CAMSAP3: variants seen among roughly 807,000 people sequenced by gnomAD.
The protein encoded by CAMSAP3 is calmodulin-regulated spectrin-associated protein 3.
A neutral mutation model predicts 112.5 loss-of-function variants in CAMSAP3; 34 were observed. The ratio of observed to expected loss-of-function variants is 0.30; its 90% CI spans 0.23 to 0.40. The LOEUF is 0.40. Among genes scored for constraint, CAMSAP3 ranks in the 10% least tolerant of loss-of-function variants. CAMSAP3 has a pLI of 1.00. For synonymous variants in CAMSAP3, 868 were observed against 799.8 expected, an observed-to-expected ratio of 1.09 and a Z score of -1.44; for missense variants, 1,602 against 1,770.3, an observed-to-expected ratio of 0.90 and a Z score of 1.71.
intron 1 of CAMSAP3, among the ~76,000 whole-genome samples, chr19:7,599,392 C>T (rs796162008): frequency 0.058 from 2,319 of 39,836 alleles, 27 homozygotes; most frequent in Middle Eastern, 0.091. Flanking sequence ...ATCCACCCAT[C>T]CATCCACCCA....
At position 7,610,616 on chromosome 19, in the gene CAMSAP3, G is replaced by T; in HGVS notation, c.900+1G>T. 1 of 1,613,734 alleles carries T rather than the reference G, an allele frequency of 6.2e-7. No individual in the cohort carries two copies. The highest frequency in any genetic ancestry group is 8.5e-7 in the Non-Finnish European group (1 of 1,179,972). On this transcript the variant is annotated splice_donor_variant, in intron 6 of 16. Transcript: ENST00000160298. LOFTEE classifies it high-confidence loss of function. The surrounding 1 kb of genome is among the most constrained non-coding windows in gnomAD (Gnocchi z 4.9). ...GCTGTACGTCCCACCGCCACTCAAG[G>T]TAAGGCCATCCTGGGGCCTCCTGGG...
chr19:7,607,808 C>A lies in CAMSAP3; in HGVS notation c.622-318C>A. The A allele has an allele frequency of 7.8e-7, 1 of 1,282,516 alleles. No homozygotes were observed. 79.4% of individuals were successfully genotyped at this position (1,282,516 alleles called of 1,614,324 possible). A position where few individuals can be genotyped will look rare whatever the true frequency, so the allele number is the denominator to read the frequency against. On this transcript the variant is annotated intron_variant, in intron 4 of 16. Coordinates refer to ENST00000160298, the MANE Select transcript of CAMSAP3 (RefSeq NM_020902.2). This position sits in a 1 kb window ranked among gnomAD's most constrained non-coding sequence, Gnocchi z 4.9. ...CCCCTCCCCCTTGCTGATGGCTGCT[C>A]CTCTCCCCCCAGCACGCAATTGCCT...
rs1028776590 is a variant in CAMSAP3 at position 7,607,137 on chromosome 19, A to G, written c.621+566A>G. Among the ~76,000 whole-genome samples the G allele has an allele frequency of 2.0e-5, 3 of 152,108 alleles. No homozygotes were observed. Among genetic ancestry groups the G allele is most frequent in the South Asian group, 4.1e-4 (2 of 4,830 alleles). ...GGGACCCCCTGAACCTGTCCCCCTT[A>G]GCCGAGGTGGGGAGACCACATAAAT... On this transcript the variant is annotated intron_variant, in intron 4 of 16. Transcript: ENST00000160298. The surrounding 1 kb of genome is among the most constrained non-coding windows in gnomAD (Gnocchi z 4.9).
At position 7,611,050 on chromosome 19, in the gene CAMSAP3, G is replaced by A. The variant is rs1357020637; in HGVS notation, c.1050-45G>A. ...TTGTCTCCCCCCGGGGAGAGGCGGA[G>A]GAGGAGGTGGGGGTCCTGAGGCTGA... On this transcript the variant is annotated intron_variant, in intron 8 of 16. Coordinates refer to ENST00000160298, the MANE Select transcript of CAMSAP3 (RefSeq NM_020902.2). This position sits in a 1 kb window ranked among gnomAD's most constrained non-coding sequence, Gnocchi z 6.9. The A allele has an allele frequency of 6.2e-7, 1 of 1,608,936 alleles. No homozygotes were observed. The highest frequency in any genetic ancestry group is 2.2e-5 in the East Asian group (1 of 44,842).
intron 1 of CAMSAP3, among the ~76,000 whole-genome samples, chr19:7,599,540 A>AT (rs2029865186): frequency 1.2e-5 from 1 of 80,372 alleles, no homozygotes; most frequent in Non-Finnish European, 2.4e-5. Context: ...CCATCCTTCC[A>AT]CCCACCCATT....
intron 13 of CAMSAP3, among the ~76,000 whole-genome samples, chr19:7,616,002 C>A (rs1467653793): frequency 6.6e-6 from 1 of 151,946 alleles, no homozygotes; most frequent in Non-Finnish European, 1.5e-5. Flanking sequence ...CCAGCCTGGC[C>A]AACATGGTGA....
In CAMSAP3 at chr19:7,611,125, T is replaced by G. The variant is rs376576096; in HGVS notation, c.1080T>G (p.Leu360=). ...CTGTCTTCACCTTCCGCCACCCGCT[T>G]CTGTCATCTGGTGGCCCCCAGTCCC... is the stretch of plus-strand genomic sequence containing the variant. ...SSPVFTFRHP[L]LSSGGPQSPL... Residue 360 remains leucine (L), a synonymous_variant, in exon 9 of 17, where the codon CTT becomes CTG. Coordinates refer to ENST00000160298, the MANE Select transcript of CAMSAP3 (RefSeq NM_020902.2). The surrounding 1 kb of genome is among the most constrained non-coding windows in gnomAD (Gnocchi z 6.9). The G allele has an allele frequency of 8.7e-6, 14 of 1,613,734 alleles. No homozygotes were observed. The South Asian group carries it at 1.5e-4, about 18-fold the overall frequency.
At position 7,615,544 on chromosome 19, in the gene CAMSAP3, G is replaced by T; in HGVS notation, c.2937G>T (p.Arg979=). Residue 979 remains arginine, a synonymous_variant, in exon 13 of 17, where the codon CGG becomes CGT. Transcript: ENST00000160298. This position sits in a 1 kb window ranked among gnomAD's most constrained non-coding sequence, Gnocchi z 6.5. ...EVGPRKGDFT[R]QEYERRAQLK... ...GCCCCCGGAAGGGGGACTTCACGCG[G>T]CAGGAGTACGAGCGCCGGGCCCAGC... is the stretch of plus-strand genomic sequence containing the variant. The T allele has an allele frequency of 6.5e-7, 1 of 1,531,282 alleles. No individual in the cohort carries two copies. The highest frequency in any genetic ancestry group is 2.5e-5 in the East Asian group (1 of 40,480). 94.9% of individuals were successfully genotyped at this position (1,531,282 alleles called of 1,614,324 possible).
chr19:7,597,497 C>T (rs1362672759), intron 1 of CAMSAP3, among the ~76,000 whole-genome samples: 1 of 152,180 alleles, frequency 6.6e-6, no homozygotes, highest in Non-Finnish European at 1.5e-5. Context: ...TTCTGTTTCC[C>T]CTTCTATAAA....
intron 11 of CAMSAP3, chr19:7,614,938 C>T (rs116919610): frequency 0.014 from 8,032 of 586,602 alleles, 375 homozygotes; most frequent in Admixed American, 0.13. Context: ...CTGCTGTCTG[C>T]TGCTTTTGTC....
In CAMSAP3 at chr19:7,607,357, T is replaced by C. The variant is rs1328968081; in HGVS notation, c.622-769T>C. On this transcript the variant is annotated intron_variant, in intron 4 of 16. Coordinates refer to ENST00000160298, the MANE Select transcript of CAMSAP3 (RefSeq NM_020902.2). The surrounding 1 kb of genome is among the most constrained non-coding windows in gnomAD (Gnocchi z 4.9). The stretch of plus-strand genomic sequence containing the variant: ...GAGGCCCATCCCTGAAGCTGGAAGT[T>C]GAAATTTCTCTCTTCCCTGAATGAG... 6.6e-6 allele frequency among the ~76,000 whole-genome samples: 1 copy of C among 152,202 alleles called. No individual in the cohort carries two copies. The highest frequency in any genetic ancestry group is 2.4e-5 in the African/African-American group (1 of 41,458).
chr19:7,596,200 AGGTGCTGGGGGGGGGCGG>A, intron 1 of CAMSAP3, 50 bp downstream of exon 1: 1 of 67,360 alleles, frequency 1.5e-5, no homozygotes, highest in Non-Finnish European at 3.0e-5. Context: ...CGGGCGCGGC[AGGTGCTGGGGGGGGGCGG>A]GGCGCCGGGC....
rs771030124 is a variant in CAMSAP3 at position 7,610,926 on chromosome 19, C to A, written c.1044C>A (p.Gly348=). Residue 348 remains glycine, a synonymous_variant, in exon 8 of 17, where the codon GGC becomes GGA. Coordinates refer to ENST00000160298, the MANE Select transcript of CAMSAP3 (RefSeq NM_020902.2). This position sits in a 1 kb window ranked among gnomAD's most constrained non-coding sequence, Gnocchi z 4.9. ...TEASPPQNNS[G]SSSPVFTFRH... The stretch of plus-strand genomic sequence containing the variant: ...CCTCCCCACCTCAGAACAACAGCGG[C>A]AGTAGGTACGCTCCCCACACTGGGC... The A allele has an allele frequency of 1.3e-6, 2 of 1,582,494 alleles. No homozygotes were observed. Among genetic ancestry groups the A allele is most frequent in the East Asian group, 2.2e-5 (1 of 44,566 alleles).
chr19:7,607,822 A>G lies in CAMSAP3; in HGVS notation c.622-304A>G. On this transcript the variant is annotated intron_variant, in intron 4 of 16. Coordinates refer to ENST00000160298, the MANE Select transcript of CAMSAP3 (RefSeq NM_020902.2). The surrounding 1 kb of genome is among the most constrained non-coding windows in gnomAD (Gnocchi z 4.9). ...TGATGGCTGCTCCTCTCCCCCCAGC[A>G]CGCAATTGCCTTCTGTTTGAAGGAG... 1 of 1,290,498 alleles carries G rather than the reference A, an allele frequency of 7.7e-7. No individual in the cohort carries two copies. Among genetic ancestry groups the G allele is most frequent in the Non-Finnish European group, 1.0e-6 (1 of 962,474 alleles). The allele number at this position is 1,290,498 out of a possible 1,614,324, so 79.9% of individuals were successfully genotyped here.
intron 1 of CAMSAP3, among the ~76,000 whole-genome samples, chr19:7,597,357 T>C (rs1249267724): frequency 6.6e-6 from 1 of 152,128 alleles, no homozygotes; most frequent in African/African-American, 2.4e-5. Flanking sequence ...AGATTGGGCA[T>C]TGGACAGCCA....
Position 7,616,554 on chromosome 19 carries a change from C to A in CAMSAP3, c.3144C>A (p.Ser1048=). The A allele has an allele frequency of 6.2e-7, 1 of 1,613,332 alleles. No homozygotes were observed. Among genetic ancestry groups the A allele is most frequent in the Non-Finnish European group, 8.5e-7 (1 of 1,179,840 alleles). ...GSRLSKIYSQ[S]TLSLSTVANE... ...GGCTGAGCAAAATCTATTCCCAGTC[C>A]ACCCTGTCACTGTCCACTGTGGCCA... The change falls in exon 14 of 17, where the codon TCC becomes TCA. Residue 1048 remains serine (S), a synonymous_variant. Transcript: ENST00000160298.
rs759263772 is a variant in CAMSAP3 at position 7,607,729 on chromosome 19, G to A, written c.622-397G>A. The A allele has an allele frequency of 5.0e-5, 26 of 519,624 alleles. No homozygotes were observed. Among genetic ancestry groups the A allele is most frequent in the Non-Finnish European group, 8.0e-5 (23 of 287,398 alleles). 32.2% of individuals were successfully genotyped at this position (519,624 alleles called of 1,614,324 possible). A position where few individuals can be genotyped will look rare whatever the true frequency, so the allele number is the denominator to read the frequency against. ...TGGACGGCCGGGGCTCAGGACCAGG[G>A]TCAGGGCTACCCCCTCCCCCCCAAG... On this transcript the variant is annotated intron_variant, in intron 4 of 16. Coordinates refer to ENST00000160298, the MANE Select transcript of CAMSAP3 (RefSeq NM_020902.2). The surrounding 1 kb of genome is among the most constrained non-coding windows in gnomAD (Gnocchi z 4.9).
chr19:7,617,328 C>T lies in CAMSAP3; in HGVS notation c.3215C>T (p.Ala1072Val). 1 of 1,612,502 alleles carries T rather than the reference C, an allele frequency of 6.2e-7. No homozygotes were observed. The highest frequency in any genetic ancestry group is 1.1e-5 in the South Asian group (1 of 91,058). The change falls in exon 15 of 17, where the codon GCT becomes GTT. Residue 1072 changes from alanine to valine, a missense_variant and splice_region_variant. Coordinates refer to ENST00000160298, the MANE Select transcript of CAMSAP3 (RefSeq NM_020902.2). The surrounding 1 kb of genome is among the most constrained non-coding windows in gnomAD (Gnocchi z 7.5). ...ATCCCATCCTTCTCCCACTGCAGGG[C>T]TCCCTCCCCGTCAGGTCTCATGTCC... is the stretch of plus-strand genomic sequence containing the variant. ...NLGVKRPTSR[A>V]PSPSGLMSPS...
At chr19:7,601,539 A>G (rs1362444301) in intron 1 of CAMSAP3, among the ~76,000 whole-genome samples, 4 of 151,786 alleles carry the variant, frequency 2.6e-5, no homozygotes, top group African/African-American at 9.7e-5. Context: ...GTCTGGGCAC[A>G]TTGTATTTCT....
Sources: allele counts gnomAD v4.1 joint callset (sites outside exome capture counted in the v4.1 genomes callset), GRCh38; gene constraint gnomAD v4.1.1; non-coding constraint Gnocchi (gnomAD v3.1); transcripts MANE v1.5; gene names NCBI Gene and HGNC (gene_info 2026-07-23, HGNC 2026-07-21).